Variants in GLDC observed in about 807,000 individuals in gnomAD.
The protein encoded by GLDC is glycine decarboxylase.
A neutral mutation model predicts 121.3 loss-of-function variants in GLDC; 104 were observed. The observed-to-expected ratio is 0.86, with a 90% CI of 0.73 to 1.01. The LOEUF is 1.01. Among genes scored for constraint, GLDC ranks in the 50% least tolerant of loss-of-function variants. GLDC has a pLI of 0.00. For synonymous variants in GLDC, 546 were observed against 480.6 expected (o/e 1.14, Z -1.78); for missense variants, 1,429 against 1,306.6 (o/e 1.09, Z -1.44).
intron 2 of GLDC, among the ~76,000 whole-genome samples, chr9:6,625,166 G>C (rs1328683957): frequency 6.6e-6 from 1 of 152,178 alleles, no homozygotes; most frequent in Non-Finnish European, 1.5e-5. Context: ...TATGTTGGAA[G>C]TCTGTGCAGA....
At position 6,588,377 on chromosome 9, in the gene GLDC, C is replaced by T. The variant is rs753063052; in HGVS notation, c.1707+24G>A. ...AGAACACTGCCCCTTGCTGAGTATC[C>T]ACTTACAGAAGTGAGCTACTTACTG... On this transcript the variant is annotated intron_variant, in intron 14 of 24. Coordinates refer to ENST00000321612, the MANE Select transcript of GLDC (RefSeq NM_000170.3). The T allele has an allele frequency of 1.9e-6, 3 of 1,563,798 alleles. No individual in the cohort carries two copies. In the Admixed American group the frequency reaches 5.0e-5, roughly 26 times the overall value.
In GLDC at chr9:6,638,562, C is replaced by CT. The variant is rs962182136; in HGVS notation, c.334+6051dup. On this transcript the variant is annotated intron_variant, in intron 2 of 24. Coordinates refer to ENST00000321612, the MANE Select transcript of GLDC (RefSeq NM_000170.3). Reference sequence around the variant, plus strand: ...AGAAGATATATTCCAACTCTTAACTCTGTCTTTCCATCCCATTTCACATCA... The same window carrying CT: ...AGAAGATATATTCCAACTCTTAACTCTTGTCTTTCCATCCCATTTCACATCA... Among the ~76,000 whole-genome samples, 7 of 152,302 alleles carry CT rather than the reference C, an allele frequency of 4.6e-5. 1 individual carries two copies. The highest frequency in any genetic ancestry group is 1.7e-4 in the African/African-American group (7 of 41,562).
At chr9:6,544,704 A>G (rs1817350075) in intron 21 of GLDC, among the ~76,000 whole-genome samples, 1 of 146,756 alleles carries the variant, frequency 6.8e-6, no homozygotes. Context: ...ACGTTGGGAT[A>G]CTAACAAAGT....
At position 6,540,261 on chromosome 9, in the gene GLDC, G is replaced by C. The variant is rs765729954; in HGVS notation, c.2570-115C>G. On this transcript the variant is annotated intron_variant, in intron 21 of 24. Coordinates refer to ENST00000321612, the MANE Select transcript of GLDC (RefSeq NM_000170.3). ...TCAGCTTTTTATGTGTATCAGCGAG[G>C]ACCAAGAAGCCATGGGCACCGGGTA... The C allele has an allele frequency of 4.0e-6, 3 of 754,518 alleles. No individual in the cohort carries two copies. The South Asian group carries it at 4.4e-5, about 11-fold the overall frequency. The allele number at this position is 754,518 out of a possible 1,614,324, so 46.7% of individuals were successfully genotyped here. A position where few individuals can be genotyped will look rare whatever the true frequency, so the allele number is the denominator to read the frequency against.
At chr9:6,555,822 A>G (rs920037684) in intron 18 of GLDC, among the ~76,000 whole-genome samples, 2 of 151,906 alleles carry the variant, frequency 1.3e-5, no homozygotes, top group African/African-American at 4.8e-5. Context: ...AAAAGGAAAA[A>G]AGCAAACACC....
chr9:6,556,717 C>G (rs930434400), intron 17 of GLDC, among the ~76,000 whole-genome samples: 1 of 151,248 alleles, frequency 6.6e-6, no homozygotes, highest in Admixed American at 6.6e-5. Flanking sequence ...TTGCTTGAAC[C>G]GGTGAGGTGG....
At chr9:6,628,050 C>A (rs1465722486) in intron 2 of GLDC, among the ~76,000 whole-genome samples, 1 of 152,140 alleles carries the variant, frequency 6.6e-6, no homozygotes, top group South Asian at 2.1e-4. Flanking sequence ...CTGAACCAAC[C>A]TGAAACTGAA....
rs995175264 is a variant in GLDC, at chr9:6,545,110, A to G, written c.2570-4964T>C. ...GCGAAACTCTGTCTCAAAAAAAAGAAAAAAAAAAAAGTATCATCTTACCTG... is the reference window on the plus strand; with the variant it reads ...GCGAAACTCTGTCTCAAAAAAAAGAGAAAAAAAAAAGTATCATCTTACCTG... On this transcript the variant is annotated intron_variant, in intron 21 of 24. Coordinates refer to ENST00000321612, the MANE Select transcript of GLDC (RefSeq NM_000170.3). Among the ~76,000 whole-genome samples, 8 of 17,724 alleles carry G rather than the reference A, an allele frequency of 4.5e-4. No homozygotes were observed. The African/African-American group carries it at 4.8e-3, about 11-fold the overall frequency. The allele number at this position is 17,724 out of a possible 152,430, so 11.6% of individuals were successfully genotyped here.
At chr9:6,555,952 G>T (rs577762359) in intron 18 of GLDC, among the ~76,000 whole-genome samples, 1 of 152,200 alleles carries the variant, frequency 6.6e-6, no homozygotes, top group African/African-American at 2.4e-5. Flanking sequence ...TGGGCCCTTT[G>T]AGCCCCCATT....
intron 21 of GLDC, among the ~76,000 whole-genome samples, chr9:6,544,500 C>T (rs998742382): frequency 2.0e-5 from 3 of 151,996 alleles, no homozygotes; most frequent in Admixed American, 6.6e-5. Flanking sequence ...AAAAATCAGC[C>T]GAGTGCAGTG....
chr9:6,551,534 T>C (rs1817514703), intron 20 of GLDC, among the ~76,000 whole-genome samples: 1 of 152,148 alleles, frequency 6.6e-6, no homozygotes. Context: ...GCATATATAT[T>C]AAATACATAA....
chr9:6,627,549 T>G (rs1322028450), intron 2 of GLDC, among the ~76,000 whole-genome samples: 1 of 152,148 alleles, frequency 6.6e-6, no homozygotes, highest in East Asian at 1.9e-4. Flanking sequence ...CAATTTTACC[T>G]TCTGTTGAGA....
intron 11 of GLDC, 126 bp from the exon 12 acceptor site, chr9:6,589,418 T>C (rs1818334053): frequency 2.7e-6 from 1 of 365,706 alleles, no homozygotes; most frequent in Non-Finnish European, 4.8e-6. Flanking sequence ...TTTACTTATT[T>C]ATTTATTTAT....
chr9:6,602,525 G>A (rs1005423432), intron 7 of GLDC, among the ~76,000 whole-genome samples: 1 of 151,954 alleles, frequency 6.6e-6, no homozygotes, highest in African/African-American at 2.4e-5. Context: ...GCTAATTTTT[G>A]TATTTTTAGT....
At position 6,553,349 on chromosome 9, in the gene GLDC, A is replaced by G; in HGVS notation, c.2457+19T>C. 1 of 1,613,218 alleles carries G rather than the reference A, an allele frequency of 6.2e-7. No individual in the cohort carries two copies. The highest frequency in any genetic ancestry group is 1.3e-5 in the African/African-American group (1 of 74,996). ...CGCCCCCACCCACCTGCACACCTGCACATACTCCCAGGCCTCACCTTGATA... is the reference window on the plus strand; with the variant it reads ...CGCCCCCACCCACCTGCACACCTGCGCATACTCCCAGGCCTCACCTTGATA... On this transcript the variant is annotated intron_variant, in intron 20 of 24. Coordinates refer to ENST00000321612, the MANE Select transcript of GLDC (RefSeq NM_000170.3).
intron 24 of GLDC, chr9:6,534,048 TA>T (rs1817061715): frequency 6.6e-6 from 1 of 151,982 alleles, no homozygotes; most frequent in African/African-American, 2.4e-5. Flanking sequence ...CCGTCTCTAC[TA>T]AAAATACAAA....
At position 6,610,249 on chromosome 9, in the gene GLDC, T is replaced by C. The variant is rs555919940; in HGVS notation, c.578A>G (p.Asn193Ser). 8.6e-5 allele frequency: 138 copies of C among 1,613,960 alleles called. No homozygotes were observed. The highest frequency in any genetic ancestry group is 1.7e-4 in the Middle Eastern group (1 of 6,058). ...AGTCCCCTCATCCAGCAGGGATGCA[T>C]TGGCCATGTCCAGGCCTGTGATGTC... The part of the protein sequence containing the change: ...VCDITGLDMA[N>S]ASLLDEGTAA... Residue 193 changes from asparagine (N) to serine (S), a missense_variant, in exon 4 of 25, where the codon AAT becomes AGT. By Grantham distance (46) the Asn-to-Ser change is conservative. Transcript: ENST00000321612.
intron 9 of GLDC, 33 bp downstream of exon 9, chr9:6,594,981 T>C: frequency 8.0e-7 from 1 of 1,244,266 alleles, no homozygotes. Context: ...AATTTTATTA[T>C]GCCCAAATGT....
intron 2 of GLDC, among the ~76,000 whole-genome samples, chr9:6,623,405 T>C (rs1054692204): frequency 1.4e-5 from 2 of 147,762 alleles, no homozygotes; most frequent in Non-Finnish European, 3.0e-5. Flanking sequence ...GTTAAACAGA[T>C]GCTTGAAGGC....
Sources: allele counts gnomAD v4.1 joint callset (sites outside exome capture counted in the v4.1 genomes callset), GRCh38; gene constraint gnomAD v4.1.1; transcripts MANE v1.5; gene names NCBI Gene and HGNC (gene_info 2026-07-23, HGNC 2026-07-21).